Variants in ZNF407 observed in about 807,000 individuals in gnomAD.
The protein encoded by ZNF407 is zinc finger protein 407.
Under a neutral mutation model 131.2 loss-of-function variants are expected in ZNF407, and 17 were observed. The observed-to-expected ratio is 0.13, with a 90% confidence interval of 0.09 to 0.19. The LOEUF (loss-of-function observed/expected upper bound fraction) is 0.19. Among genes scored for constraint, ZNF407 ranks in the 10% least tolerant of loss-of-function variants. The pLI is 1.00. For synonymous variants in ZNF407, 1,156 were observed against 1,062.0 expected, an observed-to-expected ratio of 1.09 and a Z score of -1.72; for missense variants, 2,681 against 2,830.6, an observed-to-expected ratio of 0.95 and a Z score of 1.20.
chr18:74,625,364 A>G (rs142442678), intron 1 of ZNF407, among the ~76,000 whole-genome samples: 2 of 151,458 alleles, frequency 1.3e-5, no homozygotes, highest in African/African-American at 4.8e-5. Context: ...GTGCCTGTGT[A>G]TGTGCGTACG....
At chr18:74,616,963 CCACGCACCA>C (rs1983325765) in intron 1 of ZNF407, among the ~76,000 whole-genome samples, 1 of 141,064 alleles carries the variant, frequency 7.1e-6, no homozygotes, top group African/African-American at 2.7e-5. Flanking sequence ...GCATCCATAT[CCACGCACCA>C]CACACATCCA....
intron 4 of ZNF407, among the ~76,000 whole-genome samples, chr18:74,854,864 C>T (rs938067294): frequency 6.6e-6 from 1 of 151,910 alleles, no homozygotes; most frequent in Admixed American, 6.6e-5. Context: ...TTTCATTTCC[C>T]CAGAGCTGAC....
At chr18:74,696,246 T>C (rs1967353039) in intron 3 of ZNF407, among the ~76,000 whole-genome samples, 1 of 152,174 alleles carries the variant, frequency 6.6e-6, no homozygotes, top group African/African-American at 2.4e-5. Context: ...TGTTAGCTTG[T>C]TACTTTTGGT....
At position 74,913,853 on chromosome 18, in the gene ZNF407, TC is replaced by T. The variant is rs1329906453; in HGVS notation, c.5250-6660del. Among the ~76,000 whole-genome samples the T allele has an allele frequency of 7.2e-5, 11 of 152,310 alleles. 1 individual carries two copies. The highest frequency in any genetic ancestry group is 2.6e-4 in the African/African-American group (11 of 41,544). On this transcript the variant is annotated intron_variant, in intron 7 of 8. Transcript: ENST00000299687. ...GTACTGACTAATGATTTTGTGGAGT[TC>T]TAGAAGTACTTGTGGTGTTCTGTTT...
intron 3 of ZNF407, among the ~76,000 whole-genome samples, chr18:74,707,757 A>G (rs1361450771): frequency 1.3e-5 from 2 of 152,214 alleles, no homozygotes; most frequent in Non-Finnish European, 2.9e-5. Flanking sequence ...CTTTTTCCTC[A>G]TGAAATCTTT....
At chr18:74,853,671 A>G (rs1041753428) in intron 4 of ZNF407, among the ~76,000 whole-genome samples, 1 of 152,098 alleles carries the variant, frequency 6.6e-6, no homozygotes, top group Non-Finnish European at 1.5e-5. Context: ...ACTTCTGCCC[A>G]TTTCCAGCAT....
intron 4 of ZNF407, among the ~76,000 whole-genome samples, chr18:74,809,586 G>C (rs368547279): frequency 8.5e-5 from 13 of 152,204 alleles, no homozygotes; most frequent in African/African-American, 2.7e-4. Context: ...GTGAGGAAAA[G>C]GCAGTTGTGA....
intron 3 of ZNF407, among the ~76,000 whole-genome samples, chr18:74,670,096 T>C (rs1986083797): frequency 6.6e-6 from 1 of 152,180 alleles, no homozygotes; most frequent in Non-Finnish European, 1.5e-5. Flanking sequence ...AGGAACCAAG[T>C]AACATGTTCA....
intron 8 of ZNF407, among the ~76,000 whole-genome samples, chr18:75,016,239 C>T (rs1043147383): frequency 4.6e-5 from 7 of 151,988 alleles, no homozygotes; most frequent in African/African-American, 1.7e-4. Context: ...AAACCATGAC[C>T]GTTTCCTGGT....
At chr18:74,728,266 A>G (rs1968207517) in intron 3 of ZNF407, among the ~76,000 whole-genome samples, 1 of 152,202 alleles carries the variant, frequency 6.6e-6, no homozygotes, top group African/African-American at 2.4e-5. Flanking sequence ...ATTCAAGACA[A>G]TCTCAGAGTT....
At chr18:74,997,117 C>T (rs1342082108) in intron 8 of ZNF407, among the ~76,000 whole-genome samples, 1 of 152,198 alleles carries the variant, frequency 6.6e-6, no homozygotes, top group East Asian at 1.9e-4. Context: ...ATTTAATGAG[C>T]TAGCAGGTCA....
At chr18:75,057,575 T>C (rs1315487099) in intron 8 of ZNF407, among the ~76,000 whole-genome samples, 1 of 152,200 alleles carries the variant, frequency 6.6e-6, no homozygotes, top group Non-Finnish European at 1.5e-5. Flanking sequence ...AGCCAGCACG[T>C]GTGCGGCCGA....
intron 3 of ZNF407, among the ~76,000 whole-genome samples, chr18:74,658,444 T>G (rs1174123317): frequency 6.6e-6 from 1 of 152,094 alleles, no homozygotes; most frequent in Non-Finnish European, 1.5e-5. Flanking sequence ...AGTTGTTCAG[T>G]AGATGTCATA....
chr18:74,755,172 C>T (rs1968899670), intron 3 of ZNF407, among the ~76,000 whole-genome samples: 2 of 180 alleles, frequency 0.011, no homozygotes, highest in Admixed American at 0.11. Flanking sequence ...GGATTGCAAC[C>T]CCCTGCTTTT....
chr18:74,637,166 A>G (rs1334801787), intron 2 of ZNF407, among the ~76,000 whole-genome samples: 1 of 152,242 alleles, frequency 6.6e-6, no homozygotes, highest in African/African-American at 2.4e-5. Flanking sequence ...TCAAGAACAG[A>G]GTAAGGCTAA....
At chr18:75,058,483 C>T (rs1214953483) in intron 8 of ZNF407, among the ~76,000 whole-genome samples, 1 of 152,106 alleles carries the variant, frequency 6.6e-6, no homozygotes, top group African/African-American at 2.4e-5. Context: ...TGAAAACAGA[C>T]CCAAAAAAGA....
intron 7 of ZNF407, among the ~76,000 whole-genome samples, chr18:74,893,375 C>T (rs1295603411): frequency 6.6e-6 from 1 of 152,124 alleles, no homozygotes; most frequent in African/African-American, 2.4e-5. Context: ...ATGGTTTGAA[C>T]ACTTTCTGTT....
intron 7 of ZNF407, among the ~76,000 whole-genome samples, chr18:74,909,261 T>C (rs1036968453): frequency 2.0e-5 from 3 of 152,050 alleles, no homozygotes; most frequent in African/African-American, 7.2e-5. Flanking sequence ...TCATGTATAA[T>C]AGGAAAAGCG....
At chr18:74,755,728 C>CTTTCCTTTCTTTCTTTCTTTCTTTCTTT (rs1968925683) in intron 3 of ZNF407, among the ~76,000 whole-genome samples, 1 of 63,468 alleles carries the variant, frequency 1.6e-5, no homozygotes, top group Admixed American at 2.1e-4. Flanking sequence ...TTCTTTCTTT[C>CTTTCCTTTCTTTCTTTCTTTCTTTCTTT]CTTTCTTTCT....
Sources: gnomAD v4.1 joint callset for allele counts (sites outside exome capture counted in the v4.1 genomes callset) on GRCh38, gnomAD v4.1.1 for gene constraint, MANE v1.5 for transcripts, NCBI Gene and HGNC (gene_info 2026-07-23, HGNC 2026-07-21) for gene names.